The following ITPR1 variants were observed in gnomAD, a reference collection of about 807,000 sequenced individuals.
The protein encoded by ITPR1 is inositol 1,4,5-trisphosphate receptor type 1.
A neutral mutation model predicts 318.4 loss-of-function variants in ITPR1; 96 were observed. That is an observed-to-expected ratio of 0.30 (90% CI 0.26 to 0.36). The LOEUF is 0.36. ITPR1 is among the 10% of genes least tolerant of loss of function. ITPR1 has a pLI of 1.00. For synonymous variants in ITPR1, 1,312 were observed against 1,289.9 expected, an observed-to-expected ratio of 1.02 and a Z score of -0.37; for missense variants, 2,440 against 3,460.2, an observed-to-expected ratio of 0.71 and a Z score of 7.40.
rs765693032 is a variant in ITPR1, at chr3:4,775,482, C to T, written c.6180+40C>T. ...GTTTTGGGATGGGGAAAAAAAGTGTCCCATTTTGGAAATGTTGATAGAGAC... is the reference window on the plus strand; with the variant it reads ...GTTTTGGGATGGGGAAAAAAAGTGTTCCATTTTGGAAATGTTGATAGAGAC... On this transcript the variant is annotated intron_variant, in intron 47 of 61. Transcript: ENST00000649015. 2.0e-6 allele frequency: 3 copies of T among 1,499,370 alleles called. No individual in the cohort carries two copies. The Admixed American group carries it at 5.2e-5, about 26-fold the overall frequency. 92.9% of individuals were successfully genotyped at this position (1,499,370 alleles called of 1,614,324 possible).
At chr3:4,578,980 A>G (rs2125048109) in intron 4 of ITPR1, among the ~76,000 whole-genome samples, 1 of 152,290 alleles carries the variant, frequency 6.6e-6, no homozygotes, top group East Asian at 1.9e-4. Flanking sequence ...GAGTAGAACA[A>G]AAATTCCATT....
intron 4 of ITPR1, among the ~76,000 whole-genome samples, chr3:4,609,021 AAAAAC>A (rs2091899376): frequency 7.4e-6 from 1 of 135,954 alleles, no homozygotes; most frequent in Non-Finnish European, 1.6e-5. Context: ...AAAAAAAAAA[AAAAAC>A]AAAAGAAAAC....
At chr3:4,539,405 A>C (rs1177306437) in intron 4 of ITPR1, among the ~76,000 whole-genome samples, 2 of 152,146 alleles carry the variant, frequency 1.3e-5, no homozygotes, top group Non-Finnish European at 2.9e-5. Context: ...TTCCAATCTT[A>C]GGTGCAATGT....
At chr3:4,555,839 G>T (rs553916343) in intron 4 of ITPR1, among the ~76,000 whole-genome samples, 46 of 152,188 alleles carry the variant, frequency 3.0e-4, no homozygotes, top group Non-Finnish European at 5.7e-4. Flanking sequence ...TTTAATCCTT[G>T]TTACTGCATA....
chr3:4,529,558 T>C (rs1017239105), intron 4 of ITPR1, among the ~76,000 whole-genome samples: 3 of 152,206 alleles, frequency 2.0e-5, no homozygotes, highest in African/African-American at 7.2e-5. Context: ...CTTTCTTGTT[T>C]GACATGTGAG....
At chr3:4,729,655 A>C (rs563893796) in intron 42 of ITPR1, among the ~76,000 whole-genome samples, 1 of 152,234 alleles carries the variant, frequency 6.6e-6, no homozygotes, top group Non-Finnish European at 1.5e-5. Context: ...AGTGGAACTC[A>C]TATTGGTAGA....
At chr3:4,734,993 C>T (rs563618328) in intron 43 of ITPR1, among the ~76,000 whole-genome samples, 171 bp from the exon 44 acceptor site, 2 of 152,316 alleles carry the variant, frequency 1.3e-5, no homozygotes, top group East Asian at 3.9e-4. Flanking sequence ...AGGGAAAGCA[C>T]CTTCATCGCT....
At chr3:4,589,532 G>A (rs2090205831) in intron 4 of ITPR1, among the ~76,000 whole-genome samples, 1 of 152,214 alleles carries the variant, frequency 6.6e-6, no homozygotes, top group African/African-American at 2.4e-5. Context: ...GGCAATTGCA[G>A]TGTGAGTGTC....
chr3:4,776,785 T>A (rs1272673536), intron 47 of ITPR1, among the ~76,000 whole-genome samples: 1 of 152,232 alleles, frequency 6.6e-6, no homozygotes, highest in African/African-American at 2.4e-5. Context: ...TGGATTGTGC[T>A]GCAAACGGAG....
Position 4,753,358 on chromosome 3 carries a change from C to T in ITPR1, c.5545-13172C>T, listed in dbSNP as rs539353858. 1.5e-3 allele frequency among the ~76,000 whole-genome samples: 231 copies of T among 152,160 alleles called. 8 individuals are homozygous for T. The highest frequency in any genetic ancestry group is 1.6e-3 in the Non-Finnish European group (110 of 68,004). On this transcript the variant is annotated intron_variant, in intron 44 of 61. Transcript: ENST00000649015. ...CCCCTGCTTGGATATGCGCTGCCGC[C>T]GCCAAAGCCCTAATATACAAAGCAG...
intron 14 of ITPR1, 77 bp downstream of exon 14, chr3:4,661,164 G>A (rs1476005227): frequency 3.7e-6 from 3 of 805,440 alleles, no homozygotes; most frequent in Non-Finnish European, 6.3e-6. Flanking sequence ...ACAGATCAGG[G>A]AGTATGGAGC....
chr3:4,670,834 C>G lies in ITPR1; in HGVS notation c.2112C>G (p.Ser704Arg), dbSNP rs1246247780. Reference protein sequence around the residue: ...EEEVWLFWRDSNKEIRSKSVR... With the variant: ...EEEVWLFWRDRNKEIRSKSVR... ...AGGTGTGGCTGTTTTGGAGGGACAG[C>G]AACAAAGAGATTCGCAGCAAGAGTG... Residue 704 changes from serine (S) to arginine (R), a missense_variant, in exon 20 of 62, where the codon AGC (serine) becomes AGG (arginine). Ser to Arg is a moderately radical substitution (Grantham distance 110). Coordinates refer to ENST00000649015, the MANE Select transcript of ITPR1 (RefSeq NM_001378452.1). 1 of 1,610,832 alleles carries G rather than the reference C, an allele frequency of 6.2e-7. No homozygotes were observed. The highest frequency in any genetic ancestry group is 1.7e-5 in the Admixed American group (1 of 59,602).
chr3:4,601,680 G>A (rs921084454), intron 4 of ITPR1, among the ~76,000 whole-genome samples: 13 of 152,100 alleles, frequency 8.5e-5, no homozygotes, highest in Non-Finnish European at 1.5e-4. Flanking sequence ...AACAGCATAA[G>A]CAATAAAAGA....
chr3:4,499,867 T>A (rs2080887879), intron 2 of ITPR1, among the ~76,000 whole-genome samples: 1 of 152,168 alleles, frequency 6.6e-6, no homozygotes, highest in South Asian at 2.1e-4. Flanking sequence ...GGACTCCTGG[T>A]CTCAAGCAGT....
At chr3:4,747,267 T>C (rs1279082172) in intron 44 of ITPR1, among the ~76,000 whole-genome samples, 2 of 152,218 alleles carry the variant, frequency 1.3e-5, no homozygotes, top group Non-Finnish European at 2.9e-5. Context: ...GGGGCGCCTA[T>C]GTAGTAGGTA....
chr3:4,536,313 A>G (rs1336295413), intron 4 of ITPR1, among the ~76,000 whole-genome samples: 1 of 152,236 alleles, frequency 6.6e-6, no homozygotes, highest in Non-Finnish European at 1.5e-5. Context: ...CTTTAAGATA[A>G]CTATCTAATA....
intron 61 of ITPR1, among the ~76,000 whole-genome samples, chr3:4,842,134 T>C (rs370998258): frequency 6.6e-6 from 1 of 152,268 alleles, no homozygotes; most frequent in East Asian, 1.9e-4. Context: ...TACTGGTAGA[T>C]TAAAATTTGC....
chr3:4,533,505 A>G (rs182032082), intron 4 of ITPR1, among the ~76,000 whole-genome samples: 1 of 152,354 alleles, frequency 6.6e-6, no homozygotes, highest in African/African-American at 2.4e-5. Flanking sequence ...TAACACAGTA[A>G]ATACCTGCAA....
intron 44 of ITPR1, among the ~76,000 whole-genome samples, chr3:4,765,922 AC>A (rs2045788212): frequency 2.6e-5 from 4 of 152,164 alleles, no homozygotes; most frequent in Non-Finnish European, 2.9e-5. Context: ...TTTGAAGATG[AC>A]CTTTTTCTTG....
Sources: gnomAD v4.1 joint callset for allele counts (sites outside exome capture counted in the v4.1 genomes callset) on GRCh38, gnomAD v4.1.1 for gene constraint, MANE v1.5 for transcripts, NCBI Gene and HGNC (gene_info 2026-07-23, HGNC 2026-07-21) for gene names.